The following ERBB4 variants were observed in gnomAD, a reference collection of about 807,000 sequenced individuals.
ERBB4 encodes the protein receptor tyrosine-protein kinase erbB-4.
ERBB4 carries 42 observed loss-of-function variants against 158.0 expected under a neutral mutation model. The observed-to-expected ratio is 0.27, with a 90% CI of 0.21 to 0.34. The LOEUF is 0.34. ERBB4 is among the 10% of genes least tolerant of loss of function. The probability of loss-of-function intolerance (pLI) is 1.00; values close to 1 mark genes in which losing one functional copy is unlikely to be tolerated. For synonymous variants in ERBB4, 583 were observed against 558.7 expected, an observed-to-expected ratio of 1.04 and a Z score of -0.61; for missense variants, 1,333 against 1,624.1, an observed-to-expected ratio of 0.82 and a Z score of 3.08.
intron 19 of ERBB4, among the ~76,000 whole-genome samples, chr2:211,594,140 A>T (rs2068557717): frequency 6.6e-6 from 1 of 152,018 alleles, no homozygotes; most frequent in Non-Finnish European, 1.5e-5. Context: ...AACAACAACA[A>T]CTTAAAAATA....
At chr2:212,245,934 G>A (rs2084291761) in intron 1 of ERBB4, among the ~76,000 whole-genome samples, 1 of 152,128 alleles carries the variant, frequency 6.6e-6, no homozygotes, top group Non-Finnish European at 1.5e-5. Flanking sequence ...CTATGGCTAA[G>A]TTAAATGTTG....
intron 3 of ERBB4, among the ~76,000 whole-genome samples, chr2:211,901,840 C>A (rs1475984421): frequency 6.6e-6 from 1 of 151,462 alleles, no homozygotes; most frequent in Non-Finnish European, 1.5e-5. Flanking sequence ...TTTGTAGAGT[C>A]AAAAAAAATT....
chr2:212,203,963 CCTT>C (rs1344092448), intron 1 of ERBB4, among the ~76,000 whole-genome samples: 2 of 152,156 alleles, frequency 1.3e-5, no homozygotes, highest in African/African-American at 2.4e-5. Context: ...AGTATTCATC[CCTT>C]CTTATTTTTA....
intron 20 of ERBB4, among the ~76,000 whole-genome samples, chr2:211,539,517 A>G (rs2066741876): frequency 6.6e-6 from 1 of 152,016 alleles, no homozygotes; most frequent in South Asian, 2.1e-4. Context: ...TGACTCATAT[A>G]TAATTTGTCC....
chr2:211,708,639 TC>T (rs879719107), intron 9 of ERBB4, among the ~76,000 whole-genome samples: 132 of 109,128 alleles, frequency 1.2e-3, no homozygotes, highest in Middle Eastern at 5.0e-3. Context: ...TCTCTCTCTC[TC>T]TCTCACTATC....
chr2:212,412,960 TG>T lies in ERBB4; in HGVS notation c.82+125488del, dbSNP rs570833208. ...ATATGTAGAGTATTTTTTTTCTTTT[TG>T]TTTTTTTTGTTTGTTTGTTTTTTTG... is the stretch of plus-strand genomic sequence containing the variant. On this transcript the variant is annotated intron_variant, in intron 1 of 27. Transcript: ENST00000342788. 2.4e-3 allele frequency among the ~76,000 whole-genome samples: 372 copies of T among 152,012 alleles called. 1 individual carries two copies. The highest frequency in any genetic ancestry group is 8.3e-3 in the South Asian group (40 of 4,814).
At position 211,699,651 on chromosome 2, in the gene ERBB4, G is replaced by A. The variant is rs143964640; in HGVS notation, c.1489+2316C>T. On this transcript the variant is annotated intron_variant, in intron 12 of 27. Coordinates refer to ENST00000342788, the MANE Select transcript of ERBB4 (RefSeq NM_005235.3). Reference sequence around the variant, plus strand: ...CCACAAAACTATGTTTCTCCTAACTGCTTCATTTTTTTCCCCAAACTGCAA... The same window carrying A: ...CCACAAAACTATGTTTCTCCTAACTACTTCATTTTTTTCCCCAAACTGCAA... 3.6e-3 allele frequency among the ~76,000 whole-genome samples: 542 copies of A among 151,954 alleles called. 5 individuals carry two copies. Among genetic ancestry groups the A allele is most frequent in the African/African-American group, 0.011 (469 of 41,464 alleles).
At chr2:212,203,130 G>A (rs149331044) in intron 1 of ERBB4, among the ~76,000 whole-genome samples, 42 of 152,012 alleles carry the variant, frequency 2.8e-4, no homozygotes, top group African/African-American at 9.2e-4. Flanking sequence ...AAATTAACAC[G>A]GACATTGTAC....
intron 25 of ERBB4, among the ~76,000 whole-genome samples, chr2:211,412,832 T>C (rs1423698500): frequency 2.0e-5 from 3 of 151,350 alleles, no homozygotes; most frequent in African/African-American, 7.3e-5. Context: ...CGTGTGCCTG[T>C]AATCCCAGCT....
chr2:211,960,037 G>T (rs2081140265), intron 2 of ERBB4, among the ~76,000 whole-genome samples: 1 of 152,112 alleles, frequency 6.6e-6, no homozygotes. Flanking sequence ...GGAGAAGGAA[G>T]TTGTAGGAAC....
intron 25 of ERBB4, among the ~76,000 whole-genome samples, chr2:211,402,596 T>C (rs981092358): frequency 5.9e-5 from 9 of 152,074 alleles, no homozygotes; most frequent in South Asian, 4.1e-4. Context: ...GTGAATTATT[T>C]GCTTTGAAAT....
intron 2 of ERBB4, among the ~76,000 whole-genome samples, chr2:212,002,470 C>A (rs1352400819): frequency 6.6e-6 from 1 of 152,054 alleles, no homozygotes; most frequent in Admixed American, 6.6e-5. Flanking sequence ...GGGCAGAGGA[C>A]AACAGGCAAG....
intron 2 of ERBB4, among the ~76,000 whole-genome samples, chr2:212,014,326 A>C (rs1278010539): frequency 2.6e-5 from 4 of 152,216 alleles, no homozygotes; most frequent in Non-Finnish European, 5.9e-5. Context: ...CTCCATTGCA[A>C]ACTCTACTCT....
chr2:211,959,491 A>T (rs1298334976), intron 2 of ERBB4, among the ~76,000 whole-genome samples: 1 of 152,128 alleles, frequency 6.6e-6, no homozygotes, highest in Non-Finnish European at 1.5e-5. Flanking sequence ...CATTTTGGAA[A>T]AAAAAATGCA....
chr2:211,468,531 A>C (rs149079196), intron 20 of ERBB4, among the ~76,000 whole-genome samples: 108 of 152,210 alleles, frequency 7.1e-4, no homozygotes, highest in African/African-American at 2.3e-3. Context: ...ATAGATACAG[A>C]GGGGTCTATT....
At chr2:212,526,808 GTTAA>G (rs1161025721) in intron 1 of ERBB4, among the ~76,000 whole-genome samples, 1 of 152,140 alleles carries the variant, frequency 6.6e-6, no homozygotes, top group East Asian at 1.9e-4. Context: ...ATTAGTGGAT[GTTAA>G]TTGTCTCCCC....
In ERBB4 at chr2:212,165,896, AT is replaced by A. The variant is rs556543086; in HGVS notation, c.83-40994del. On this transcript the variant is annotated intron_variant, in intron 1 of 27. Coordinates refer to ENST00000342788, the MANE Select transcript of ERBB4 (RefSeq NM_005235.3). Reference sequence around the variant, plus strand: ...TAAATTCTTCTATTATTTTAAACTAATTTTTTTTCATAACACTTTAATTTTT... The same window carrying A: ...TAAATTCTTCTATTATTTTAAACTAATTTTTTTCATAACACTTTAATTTTT... 3.8e-3 allele frequency among the ~76,000 whole-genome samples: 579 copies of A among 151,950 alleles called. 3 individuals carry two copies. Among genetic ancestry groups the A allele is most frequent in the African/African-American group, 0.012 (496 of 41,470 alleles).
At chr2:211,497,814 T>C (rs2065509535) in intron 20 of ERBB4, among the ~76,000 whole-genome samples, 1 of 152,120 alleles carries the variant, frequency 6.6e-6, no homozygotes, top group African/African-American at 2.4e-5. Context: ...CCACACTGTA[T>C]AAATGTCTGG....
chr2:212,108,578 C>A (rs1036841946), intron 2 of ERBB4, among the ~76,000 whole-genome samples: 6 of 152,078 alleles, frequency 3.9e-5, no homozygotes, highest in Non-Finnish European at 7.4e-5. Context: ...TAAGGAATGC[C>A]ATAAATGAAT....
Sources: gnomAD v4.1 joint callset for allele counts (sites outside exome capture counted in the v4.1 genomes callset) on GRCh38, gnomAD v4.1.1 for gene constraint, MANE v1.5 for transcripts, NCBI Gene and HGNC (gene_info 2026-07-23, HGNC 2026-07-21) for gene names.